Variants in CCT3 observed in about 807,000 individuals in gnomAD.
The protein encoded by CCT3 is T-complex protein 1 subunit gamma.
Under a neutral mutation model 65.3 loss-of-function variants are expected in CCT3, and 10 were observed. That is an observed-to-expected ratio of 0.15 (90% CI 0.09 to 0.26). CCT3 has a LOEUF of 0.26. Among genes scored for constraint, CCT3 ranks in the 10% least tolerant of loss-of-function variants. The pLI, the probability that CCT3 is intolerant of heterozygous loss-of-function variation, is 1.00. For synonymous variants in CCT3, 225 were observed against 242.3 expected (o/e 0.93, Z 0.66); for missense variants, 626 against 708.7 (o/e 0.88, Z 1.33).
chr1:156,324,887 A>G, intron 6 of CCT3, 85 bp downstream of exon 6: 1 of 886,856 alleles, frequency 1.1e-6, no homozygotes, highest in Non-Finnish European at 1.9e-6. Flanking sequence ...TAGGCCTCCC[A>G]AAGTGCTGGG....
At position 156,311,034 on chromosome 1, in the gene CCT3, A is replaced by G; in HGVS notation, c.1317T>C (p.Ala439=). 1 of 1,614,148 alleles carries G rather than the reference A, an allele frequency of 6.2e-7. No homozygotes were observed. The highest frequency in any genetic ancestry group is 8.5e-7 in the Non-Finnish European group (1 of 1,180,016). ...MTGVEQWPYR[A]VAQALEVIPR... is the part of the protein sequence containing the mutation. ...GAATGACCTCTAGGGCCTGGGCAAC[A>G]GCCCTGTATGGCCATTGTTCCACAC... The change falls in exon 12 of 14, where the codon GCT becomes GCC. Residue 439 remains alanine, a synonymous_variant. Transcript: ENST00000295688.
chr1:156,329,836 G>A (rs1665033137), intron 5 of CCT3, among the ~76,000 whole-genome samples: 1 of 151,812 alleles, frequency 6.6e-6, no homozygotes, highest in Non-Finnish European at 1.5e-5. Context: ...CTACTTGGGA[G>A]GCTGAGGCAG....
intron 6 of CCT3, among the ~76,000 whole-genome samples, chr1:156,321,551 C>T (rs1305572793): frequency 6.6e-6 from 1 of 152,172 alleles, no homozygotes; most frequent in African/African-American, 2.4e-5. Context: ...TACTTTCACT[C>T]CTCACAAGAT....
At chr1:156,319,114 G>T in intron 7 of CCT3, 97 bp from the exon 8 acceptor site, 1 of 1,056,922 alleles carries the variant, frequency 9.5e-7, no homozygotes, top group Admixed American at 2.8e-5. Flanking sequence ...TAGTGTTTCA[G>T]GTTTTTTTTT....
intron 5 of CCT3, 23 bp downstream of exon 5, chr1:156,333,524 T>A: frequency 6.4e-7 from 1 of 1,570,208 alleles, no homozygotes; most frequent in Non-Finnish European, 8.8e-7. Context: ...TTTTTCCTTA[T>A]CAACCTCTTA....
At position 156,338,167 on chromosome 1, in the gene CCT3, T is replaced by C; in HGVS notation, c.18A>G (p.Pro6=). The part of the protein sequence containing the change: MMGHR[P]VLVLSQNTKR... ...CCCAGAACTCACTGAGCACGAGCAC[T>C]GGACGATGGCCCATCATGGCGACGC... Residue 6 remains proline (P), a synonymous_variant, in exon 1 of 14, where the codon CCA becomes CCG. Coordinates refer to ENST00000295688, the MANE Select transcript of CCT3 (RefSeq NM_005998.5). 1 of 1,589,186 alleles carries C rather than the reference T, an allele frequency of 6.3e-7. No homozygotes were observed.
At chr1:156,320,783 G>A in intron 7 of CCT3, 56 bp downstream of exon 7, 11 of 1,198,386 alleles carry the variant, frequency 9.2e-6, no homozygotes, top group Non-Finnish European at 1.3e-5. Context: ...CCTCACAAGT[G>A]AGATGACTCA....
intron 2 of CCT3, 42 bp from the exon 3 acceptor site, chr1:156,334,960 G>A (rs762678638): frequency 1.2e-5 from 19 of 1,577,966 alleles, no homozygotes; most frequent in Non-Finnish European, 1.4e-5. Context: ...ACAAATCAGA[G>A]GACAGTGTGA....
In CCT3 at chr1:156,312,087, T is replaced by G. The variant is rs774559234; in HGVS notation, c.1109A>C (p.Lys370Thr). 6.2e-7 allele frequency: 1 copy of G among 1,613,586 alleles called. No individual in the cohort carries two copies. Among genetic ancestry groups the G allele is most frequent in the East Asian group, 2.2e-5 (1 of 44,820 alleles). Reference protein sequence around the residue: ...FTFITDCKDPKACTILLRGAS... With the variant: ...FTFITDCKDPTACTILLRGAS... Reference sequence around the variant, plus strand: ...CCCCCGGAGGAGAATGGTGCAGGCCTTGGGGTCTTTGCAGTCAGTGATGAA... The same window carrying G: ...CCCCCGGAGGAGAATGGTGCAGGCCGTGGGGTCTTTGCAGTCAGTGATGAA... The change falls in exon 11 of 14, where the codon AAG becomes ACG. Residue 370 changes from lysine to threonine, a missense_variant. Lys to Thr is a moderately conservative substitution (Grantham distance 78, BLOSUM62 -1). Transcript: ENST00000295688.
Position 156,312,114 on chromosome 1 carries a change from G to A in CCT3, c.1082C>T (p.Thr361Ile). ...EIKKIGDEYF[T>I]FITDCKDPKA... ...GGGGTCTTTGCAGTCAGTGATGAAA[G>A]TAAAGTATTCATCTCCAATTTTCTT... Residue 361 changes from threonine to isoleucine, a missense_variant, in exon 11 of 14, where the codon ACT becomes ATT. By Grantham distance (89) the Thr-to-Ile change is moderately conservative. Coordinates refer to ENST00000295688, the MANE Select transcript of CCT3 (RefSeq NM_005998.5). 2.5e-6 allele frequency: 4 copies of A among 1,613,782 alleles called. No homozygotes were observed. Among genetic ancestry groups the A allele is most frequent in the Non-Finnish European group, 3.4e-6 (4 of 1,179,868 alleles).
chr1:156,337,167 G>C (rs1285423838), intron 1 of CCT3: 2 of 854,534 alleles, frequency 2.3e-6, no homozygotes, highest in East Asian at 6.9e-5. Context: ...CACTTTGGGA[G>C]GCCGAGGTGG....
At chr1:156,310,122 G>A (rs1225052407) in intron 13 of CCT3, among the ~76,000 whole-genome samples, 1 of 150,170 alleles carries the variant, frequency 6.7e-6, no homozygotes, top group Admixed American at 6.6e-5. Context: ...CTTTTAGTAC[G>A]AGCTAAAGAT....
intron 10 of CCT3, among the ~76,000 whole-genome samples, chr1:156,313,679 T>G (rs763127523): frequency 1.1e-4 from 17 of 152,210 alleles, no homozygotes; most frequent in Non-Finnish European, 1.8e-4. Context: ...CTTCTGATAT[T>G]GGACAATGCC....
At position 156,316,479 on chromosome 1, in the gene CCT3, C is replaced by A. The variant is rs552219602; in HGVS notation, c.974+687G>T. On this transcript the variant is annotated intron_variant, in intron 10 of 13. Coordinates refer to ENST00000295688, the MANE Select transcript of CCT3 (RefSeq NM_005998.5). ...TCAACTATGTGTATGCATGTTAATA[C>A]CCTTTGGGGTATAAAAGTATAAAAT... Among the ~76,000 whole-genome samples the A allele has an allele frequency of 5.9e-5, 9 of 152,272 alleles. No individual in the cohort carries two copies. The South Asian group carries it at 1.9e-3, about 32-fold the overall frequency.
In CCT3 at chr1:156,317,175, C is replaced by A. The variant is rs1664345206; in HGVS notation, c.965G>T (p.Arg322Leu). 1.2e-6 allele frequency: 2 copies of A among 1,613,856 alleles called. No homozygotes were observed. The highest frequency in any genetic ancestry group is 1.7e-6 in the Non-Finnish European group (2 of 1,179,848). Residue 322 changes from arginine (R) to leucine (L), a missense_variant, in exon 10 of 14, where the codon CGC becomes CTC. Transcript: ENST00000295688. ...IRRVRKTDNN[R>L]IARACGARIV... ...TACCTGGCCTACTCACCTAGCAATGCGATTATTGTCTGTCTTCCGGACTCT... is the reference window on the plus strand; with the variant it reads ...TACCTGGCCTACTCACCTAGCAATGAGATTATTGTCTGTCTTCCGGACTCT...
intron 2 of CCT3, chr1:156,335,554 T>C (rs1321483718): frequency 2.5e-6 from 1 of 400,824 alleles, no homozygotes; most frequent in African/African-American, 2.0e-5. Flanking sequence ...CTCAGTTTAG[T>C]ATGGGAGACA....
chr1:156,311,255 AC>A (rs1664074168), intron 11 of CCT3, 60 bp from the exon 12 acceptor site: 2 of 1,546,314 alleles, frequency 1.3e-6, no homozygotes, highest in Non-Finnish European at 1.8e-6. Context: ...AATCGGAGGC[AC>A]CAAAAGGACT....
intron 5 of CCT3, among the ~76,000 whole-genome samples, chr1:156,330,960 C>T (rs1034630933): frequency 3.3e-5 from 5 of 151,728 alleles, no homozygotes; most frequent in African/African-American, 7.3e-5. Context: ...TAGCCAGGCA[C>T]GGTGGCTCAC....
At chr1:156,311,579 G>A (rs1045409547) in intron 11 of CCT3, among the ~76,000 whole-genome samples, 3 of 152,134 alleles carry the variant, frequency 2.0e-5, no homozygotes, top group Non-Finnish European at 4.4e-5. Flanking sequence ...CTTTTAGGAG[G>A]TTGCATGGTG....
Sources: allele counts gnomAD v4.1 joint callset (sites outside exome capture counted in the v4.1 genomes callset), GRCh38; gene constraint gnomAD v4.1.1; transcripts MANE v1.5; gene names NCBI Gene and HGNC (gene_info 2026-07-23, HGNC 2026-07-21).